The following THADA variants were observed in gnomAD, a reference collection of about 807,000 sequenced individuals.
THADA encodes the protein THADA armadillo repeat containing.
A neutral mutation model predicts 219.8 loss-of-function variants in THADA; 213 were observed. That is an observed-to-expected ratio of 0.97 (90% CI 0.87 to 1.09). THADA has a LOEUF of 1.09. THADA is among the 50% of genes least tolerant of loss of function. The pLI is 0.00. For synonymous variants in THADA, 1,018 were observed against 828.9 expected (o/e 1.23, Z -3.92); for missense variants, 2,956 against 2,311.3 (o/e 1.28, Z -5.72).
chr2:43,541,297 A>C lies in THADA; in HGVS notation c.3126T>G (p.Cys1042Trp), dbSNP rs778270347. 1.9e-6 allele frequency: 3 copies of C among 1,613,042 alleles called. No individual in the cohort carries two copies. The highest frequency in any genetic ancestry group is 2.7e-5 in the African/African-American group (2 of 74,682). ...TEIKGKEVKT[C>W]DVTAQMVLVC... ...CCAGCACCATCTGCGCAGTTACATC[A>C]CATGTTTTTACTTCTTTACCTTAAA... Residue 1042 changes from cysteine to tryptophan, a missense_variant, in exon 21 of 38, where the codon TGT (cysteine) becomes TGG (tryptophan). Coordinates refer to ENST00000405975, the MANE Select transcript of THADA (RefSeq NM_022065.5).
chr2:43,582,841 T>A (rs2104108569), intron 7 of THADA, among the ~76,000 whole-genome samples: 1 of 152,166 alleles, frequency 6.6e-6, no homozygotes, highest in African/African-American at 2.4e-5. Flanking sequence ...AGTGCTGAGA[T>A]TACAGGCGTG....
chr2:43,362,446 C>T (rs1035238237), intron 29 of THADA, among the ~76,000 whole-genome samples: 1 of 152,128 alleles, frequency 6.6e-6, no homozygotes. Flanking sequence ...ACAACTATAA[C>T]ACAATGGTAA....
intron 28 of THADA, among the ~76,000 whole-genome samples, chr2:43,418,273 C>T (rs1179916012): frequency 2.0e-5 from 3 of 152,190 alleles, no homozygotes; most frequent in Admixed American, 1.3e-4. Context: ...CTGCTACTTG[C>T]TACCTCAAAC....
At chr2:43,406,318 C>T (rs1290299161) in intron 28 of THADA, among the ~76,000 whole-genome samples, 1 of 152,186 alleles carries the variant, frequency 6.6e-6, no homozygotes, top group African/African-American at 2.4e-5. Flanking sequence ...TTTAATTGTT[C>T]AGAATTAGAA....
At chr2:43,408,514 G>C (rs940871424) in intron 28 of THADA, 1 of 152,204 alleles carries the variant, frequency 6.6e-6, no homozygotes, top group Admixed American at 6.5e-5. Flanking sequence ...ACAGTCATCA[G>C]CTTTAAGTGA....
chr2:43,468,119 G>A (rs1171941799), intron 26 of THADA, among the ~76,000 whole-genome samples: 1 of 152,026 alleles, frequency 6.6e-6, no homozygotes, highest in African/African-American at 2.4e-5. Context: ...TCTTTATCCA[G>A]GATATTTTTT....
At chr2:43,313,329 TTTCTGA>T (rs1677720418) in intron 31 of THADA, among the ~76,000 whole-genome samples, 1 of 152,232 alleles carries the variant, frequency 6.6e-6, no homozygotes, top group Non-Finnish European at 1.5e-5. Flanking sequence ...CTATTTAGGG[TTTCTGA>T]CTCCACTTGC....
intron 30 of THADA, among the ~76,000 whole-genome samples, chr2:43,334,724 G>A (rs1482847918): frequency 6.6e-6 from 1 of 151,580 alleles, no homozygotes; most frequent in Admixed American, 6.6e-5. Context: ...GCAGTGAGCC[G>A]AGATCGCGCC....
At chr2:43,261,349 G>C (rs1670921874) in intron 36 of THADA, among the ~76,000 whole-genome samples, 1 of 147,452 alleles carries the variant, frequency 6.8e-6, no homozygotes, top group South Asian at 2.1e-4. Flanking sequence ...TCAGCTTCCT[G>C]AGTAGCTGGG....
chr2:43,467,289 T>C (rs1165244080), intron 26 of THADA, among the ~76,000 whole-genome samples: 1 of 151,978 alleles, frequency 6.6e-6, no homozygotes, highest in Non-Finnish European at 1.5e-5. Flanking sequence ...ACCTTTCATG[T>C]AGTGCAAATT....
At chr2:43,592,486 G>T in intron 1 of THADA, 70 bp from the exon 2 acceptor site, 1 of 933,076 alleles carries the variant, frequency 1.1e-6, no homozygotes, top group Non-Finnish European at 1.7e-6. Context: ...TTTTGGCTGG[G>T]TTCATTCTTT....
At chr2:43,319,448 T>G (rs1360575642) in intron 31 of THADA, among the ~76,000 whole-genome samples, 1 of 152,306 alleles carries the variant, frequency 6.6e-6, no homozygotes, top group East Asian at 1.9e-4. Flanking sequence ...TACCTCTGCA[T>G]GGCCACAGGG....
chr2:43,401,790 C>T (rs1054987335), intron 28 of THADA, among the ~76,000 whole-genome samples: 5 of 152,258 alleles, frequency 3.3e-5, no homozygotes, highest in African/African-American at 7.2e-5. Flanking sequence ...GCAATGCTCA[C>T]GGCAGACTGT....
At chr2:43,430,333 C>A (rs1242370640) in intron 26 of THADA, 31 bp from the exon 27 acceptor site, 4 of 1,276,200 alleles carry the variant, frequency 3.1e-6, no homozygotes, top group Non-Finnish European at 4.4e-6. Context: ...AATTTATTAT[C>A]ATTTATTCCC....
chr2:43,430,340 T>G (rs1398026962), intron 26 of THADA, 38 bp from the exon 27 acceptor site: 1 of 1,197,298 alleles, frequency 8.4e-7, no homozygotes, highest in African/African-American at 1.5e-5. Context: ...TATCATTTAT[T>G]CCCTTTGATC....
chr2:43,551,067 C>T (rs1696687449), intron 19 of THADA, among the ~76,000 whole-genome samples: 1 of 152,182 alleles, frequency 6.6e-6, no homozygotes, highest in African/African-American at 2.4e-5. Flanking sequence ...TAGGAAAGAA[C>T]AAAACCTAAT....
chr2:43,424,955 C>G (rs1287084513), intron 28 of THADA, among the ~76,000 whole-genome samples: 1 of 152,130 alleles, frequency 6.6e-6, no homozygotes, highest in Admixed American at 6.5e-5. Flanking sequence ...ACGTCTATAT[C>G]CAGAAGACAG....
chr2:43,528,009 C>G (rs1299144426), intron 21 of THADA, 21 bp from the exon 22 acceptor site: 3 of 1,560,930 alleles, frequency 1.9e-6, no homozygotes, highest in Non-Finnish European at 2.6e-6. Context: ...AAAGCAAAAA[C>G]AAATGTCCGA....
rs1678756937 is a variant in THADA at position 43,428,235 on chromosome 2, AAAC to A, written c.3927-7_3927-5del. The A allele has an allele frequency of 6.3e-7, 1 of 1,590,754 alleles. No individual in the cohort carries two copies. The highest frequency in any genetic ancestry group is 1.3e-5 in the African/African-American group (1 of 74,504). ...ACGATTTGGTTCTCCCATATCACTG[AAAC>A]AACAATTATTACACATGAAAGATTT... On this transcript the variant is annotated splice_region_variant and splice_polypyrimidine_tract_variant and intron_variant, in intron 27 of 37. Transcript: ENST00000405975.
Sources: gnomAD v4.1 joint callset for allele counts (sites outside exome capture counted in the v4.1 genomes callset) on GRCh38, gnomAD v4.1.1 for gene constraint, MANE v1.5 for transcripts, NCBI Gene and HGNC (gene_info 2026-07-23, HGNC 2026-07-21) for gene names.